Variants in LDLRAD3 observed in about 807,000 individuals in gnomAD.
LDLRAD3 encodes the protein low-density lipoprotein receptor class A domain-containing protein 3.
Under a neutral mutation model 29.4 loss-of-function variants are expected in LDLRAD3, and 20 were observed. That is an observed-to-expected ratio of 0.68 (90% confidence interval 0.48 to 0.99). The LOEUF (loss-of-function observed/expected upper bound fraction) is 0.99, where lower values mean the gene tolerates loss of function less well. Ranked by LOEUF, LDLRAD3 falls within the 50% of genes least tolerant of loss-of-function variation. The pLI, the probability that LDLRAD3 is intolerant of heterozygous loss-of-function variation, is 0.00. For missense variants in LDLRAD3, 420 were observed against 454.3 expected (o/e 0.92, Z 0.69); for synonymous variants, 157 against 192.7 (o/e 0.81, Z 1.53).
In LDLRAD3 at chr11:35,959,430, A is replaced by G. The variant is rs536240803; in HGVS notation, c.46+15286A>G. Among the ~76,000 whole-genome samples, 9 of 152,282 alleles carry G rather than the reference A, an allele frequency of 5.9e-5. No individual in the cohort carries two copies. In the South Asian group the frequency reaches 1.7e-3, roughly 28 times the overall value. On this transcript the variant is annotated intron_variant, in intron 1 of 5. Transcript: ENST00000315571. Reference sequence around the variant, plus strand: ...TGCAGTTTATTTATGCTTGTTCTCTATACTTGAATGTTTATTAAGCCTAGA... The same window carrying G: ...TGCAGTTTATTTATGCTTGTTCTCTGTACTTGAATGTTTATTAAGCCTAGA...
chr11:35,968,089 C>A, intron 1 of LDLRAD3: 1 of 449,964 alleles, frequency 2.2e-6, no homozygotes. Context: ...TAGTAGGAAG[C>A]CATGTTGGTT....
In LDLRAD3 at chr11:36,231,346, G is replaced by A. The variant is rs947431796; in HGVS notation, c.*1949G>A. ...AAAACGGAAAGGAACCTAGCTGCCT[G>A]TATCTTTCATTTTTAAAATAGCACT... On this transcript the variant is annotated 3_prime_UTR_variant, in exon 6 of 6. Transcript: ENST00000315571. 3 of 152,102 alleles carry A rather than the reference G, an allele frequency of 2.0e-5. No homozygotes were observed. Among genetic ancestry groups the A allele is most frequent in the African/African-American group, 7.2e-5 (3 of 41,422 alleles). 9.4% of individuals were successfully genotyped at this position (152,102 alleles called of 1,614,324 possible).
At chr11:36,009,812 A>G (rs1007560657) in intron 1 of LDLRAD3, among the ~76,000 whole-genome samples, 1 of 152,206 alleles carries the variant, frequency 6.6e-6, no homozygotes, top group African/African-American at 2.4e-5. Flanking sequence ...CAAATAACAC[A>G]GTTTTCAAAA....
At chr11:36,221,150 C>T (rs755790646) in intron 4 of LDLRAD3, among the ~76,000 whole-genome samples, 2 of 152,084 alleles carry the variant, frequency 1.3e-5, no homozygotes, top group Non-Finnish European at 1.5e-5. Context: ...GAGTTCAAGA[C>T]TGGCCTGGCC....
chr11:36,043,691 A>C (rs182964307), intron 2 of LDLRAD3, among the ~76,000 whole-genome samples: 73 of 152,332 alleles, frequency 4.8e-4, no homozygotes, highest in Admixed American at 1.2e-3. Context: ...CCTGCAAGCC[A>C]AGGAGTGCCA....
intron 4 of LDLRAD3, among the ~76,000 whole-genome samples, chr11:36,199,697 CTT>C (rs1035719948): frequency 3.7e-4 from 57 of 152,226 alleles, no homozygotes; most frequent in African/African-American, 1.4e-3. Context: ...GTCCAGCTTC[CTT>C]TGTGTCATAA....
At chr11:36,218,092 T>G (rs1855377006) in intron 4 of LDLRAD3, among the ~76,000 whole-genome samples, 1 of 152,190 alleles carries the variant, frequency 6.6e-6, no homozygotes, top group Non-Finnish European at 1.5e-5. Flanking sequence ...CATCAGATAT[T>G]AATGAGAATA....
chr11:35,985,166 C>T (rs917487550), intron 1 of LDLRAD3, among the ~76,000 whole-genome samples: 6 of 152,078 alleles, frequency 3.9e-5, no homozygotes, highest in Non-Finnish European at 5.9e-5. Context: ...CCTGGCTTCA[C>T]GCAATTCACT....
chr11:36,059,151 A>G (rs558174327), intron 2 of LDLRAD3, among the ~76,000 whole-genome samples: 1 of 152,216 alleles, frequency 6.6e-6, no homozygotes, highest in East Asian at 1.9e-4. Flanking sequence ...GGACCACTTG[A>G]GCCGAGGAAT....
chr11:36,134,529 A>G (rs1364602036), intron 4 of LDLRAD3, among the ~76,000 whole-genome samples: 2 of 152,172 alleles, frequency 1.3e-5, no homozygotes, highest in South Asian at 2.1e-4. Flanking sequence ...TTTACATATC[A>G]TCTTAACAGT....
chr11:36,048,618 G>A (rs1441991225), intron 2 of LDLRAD3, among the ~76,000 whole-genome samples: 17 of 152,300 alleles, frequency 1.1e-4, no homozygotes, highest in Admixed American at 1.1e-3. Context: ...AAATCCCCCA[G>A]TTCTTAGAAC....
intron 4 of LDLRAD3, among the ~76,000 whole-genome samples, chr11:36,156,596 C>T (rs143809155): frequency 5.3e-5 from 8 of 152,350 alleles, no homozygotes; most frequent in African/African-American, 1.9e-4. Context: ...ACAGCCTTCT[C>T]TTAGAGGGGA....
Position 36,213,029 on chromosome 11 carries a change from T to C in LDLRAD3, c.455-14056T>C, listed in dbSNP as rs1291833419. On this transcript the variant is annotated intron_variant, in intron 4 of 5. Transcript: ENST00000315571. The surrounding 1 kb of genome is among the most constrained non-coding windows in gnomAD (Gnocchi z 4.1). ...GTCTTCAGTTTAGAACTTTCTTCTC[T>C]CTCTGTCTCTCTCTCCCCCACCCCT... Among the ~76,000 whole-genome samples, 1 of 147,038 alleles carries C rather than the reference T, an allele frequency of 6.8e-6. No homozygotes were observed. The highest frequency in any genetic ancestry group is 1.5e-5 in the Non-Finnish European group (1 of 67,976).
intron 4 of LDLRAD3, among the ~76,000 whole-genome samples, chr11:36,156,090 G>T (rs191649011): frequency 6.6e-6 from 1 of 152,208 alleles, no homozygotes; most frequent in African/African-American, 2.4e-5. Context: ...GATTGACTCT[G>T]CTGATTCGAG....
At chr11:36,049,295 G>T (rs1007720630) in intron 2 of LDLRAD3, among the ~76,000 whole-genome samples, 1 of 152,100 alleles carries the variant, frequency 6.6e-6, no homozygotes, top group African/African-American at 2.4e-5. Context: ...ATTTTTTAAT[G>T]CAGACTTGCA....
Position 36,101,957 on chromosome 11 carries a change from C to T in LDLRAD3, c.454+3496C>T, listed in dbSNP as rs758488537. ...AGGCTGGAGTGCAGTGGCACAATCT[C>T]GGCTCACTGCAAGCTCCGCCTCCCA... On this transcript the variant is annotated intron_variant, in intron 4 of 5. Transcript: ENST00000315571. 1.8e-4 allele frequency: 45 copies of T among 253,924 alleles called. 1 individual carries two copies. The highest frequency in any genetic ancestry group is 3.8e-4 in the South Asian group (11 of 28,746). 15.7% of individuals were successfully genotyped at this position (253,924 alleles called of 1,614,324 possible).
At chr11:36,074,221 C>T (rs1304217475) in intron 2 of LDLRAD3, among the ~76,000 whole-genome samples, 1 of 152,184 alleles carries the variant, frequency 6.6e-6, no homozygotes, top group Non-Finnish European at 1.5e-5. Flanking sequence ...AATGAGCGTA[C>T]GTTCTTGGAG....
chr11:36,150,024 T>C (rs1187646783), intron 4 of LDLRAD3, among the ~76,000 whole-genome samples: 1 of 151,878 alleles, frequency 6.6e-6, no homozygotes, highest in Non-Finnish European at 1.5e-5. Context: ...AGGTGGAAGG[T>C]GGGGTGTCCT....
At chr11:36,062,665 CAGTG>C (rs1288518089) in intron 2 of LDLRAD3, among the ~76,000 whole-genome samples, 5 of 152,292 alleles carry the variant, frequency 3.3e-5, no homozygotes, top group Admixed American at 6.5e-5. Context: ...GTTCTCATGA[CAGTG>C]AGTGAGTTCT....
Sources: allele counts gnomAD v4.1 joint callset (sites outside exome capture counted in the v4.1 genomes callset), GRCh38; gene constraint gnomAD v4.1.1; non-coding constraint Gnocchi (gnomAD v3.1); transcripts MANE v1.5; gene names NCBI Gene and HGNC (gene_info 2026-07-23, HGNC 2026-07-21).